The following RERE variants were observed in gnomAD, a reference collection of about 807,000 sequenced individuals.
The protein encoded by RERE is arginine-glutamic acid dipeptide repeats protein.
A neutral mutation model predicts 146.1 loss-of-function variants in RERE; 40 were observed. The observed-to-expected ratio is 0.27, with a 90% CI of 0.21 to 0.36. The LOEUF (loss-of-function observed/expected upper bound fraction) is 0.36, where lower values mean the gene tolerates loss of function less well. Ranked by LOEUF, RERE falls within the 10% of genes least tolerant of loss-of-function variation. The probability of loss-of-function intolerance (pLI) is 1.00; values close to 1 mark genes in which losing one functional copy is unlikely to be tolerated. For missense variants in RERE, 1,933 were observed against 2,138.7 expected, an observed-to-expected ratio of 0.90 and a Z score of 1.90; for synonymous variants, 1,003 against 866.0, an observed-to-expected ratio of 1.16 and a Z score of -2.78.
chr1:8,362,993 C>T, intron 15 of RERE, 149 bp from the exon 16 acceptor site: 1 of 796,260 alleles, frequency 1.3e-6, no homozygotes, highest in Non-Finnish European at 2.0e-6. Context: ...GCCGCCCTGC[C>T]TGTCCCTGGC....
At position 8,360,368 on chromosome 1, in the gene RERE, T is replaced by G; in HGVS notation, c.3139A>C (p.Ile1047Leu). 8.4e-7 allele frequency: 1 copy of G among 1,189,430 alleles called. No individual in the cohort carries two copies. The highest frequency in any genetic ancestry group is 1.1e-6 in the Non-Finnish European group (1 of 943,698). 73.7% of individuals were successfully genotyped at this position (1,189,430 alleles called of 1,614,324 possible). ...HPFVPGGPPPITPPTCPSTST... is the reference protein window; with the variant it reads ...HPFVPGGPPPLTPPTCPSTST... Reference sequence around the variant, plus strand: ...GTGGAGGGGCAGGTCGGAGGGGTGATGGGAGGAGGGCCTCCAGGGACAAAG... The same window carrying G: ...GTGGAGGGGCAGGTCGGAGGGGTGAGGGGAGGAGGGCCTCCAGGGACAAAG... Residue 1047 changes from isoleucine to leucine, a missense_variant, in exon 18 of 23, where the codon ATC becomes CTC. This residue lies in a region of RERE where 1,255 missense variants were observed against 1,153.8 expected (regional missense o/e 1.09). Coordinates refer to ENST00000400908, the MANE Select transcript of RERE (RefSeq NM_001042681.2).
intron 12 of RERE, among the ~76,000 whole-genome samples, chr1:8,377,214 G>C (rs1386601701): frequency 1.3e-5 from 2 of 152,216 alleles, no homozygotes; most frequent in Non-Finnish European, 2.9e-5. Context: ...CCTCTGGCCT[G>C]GAAGCCCTGG....
At chr1:8,769,018 C>A (rs1640897158) in intron 1 of RERE, among the ~76,000 whole-genome samples, 1 of 152,180 alleles carries the variant, frequency 6.6e-6, no homozygotes, top group African/African-American at 2.4e-5. Flanking sequence ...TTTATAGGAA[C>A]ACAGACATAC....
intron 6 of RERE, among the ~76,000 whole-genome samples, chr1:8,543,227 C>T (rs902943569): frequency 7.2e-5 from 11 of 152,174 alleles, no homozygotes; most frequent in Non-Finnish European, 5.9e-5. Context: ...TTAACTAGAA[C>T]TAAAATAAGC....
chr1:8,383,235 C>T (rs1642517004), intron 12 of RERE, among the ~76,000 whole-genome samples: 1 of 151,794 alleles, frequency 6.6e-6, no homozygotes, highest in African/African-American at 2.4e-5. Flanking sequence ...CCAGCAGAAC[C>T]ATAAATGCCC....
chr1:8,494,982 C>T (rs1012821920), intron 10 of RERE, 81 bp downstream of exon 10: 44 of 1,039,378 alleles, frequency 4.2e-5, no homozygotes, highest in South Asian at 6.3e-5. Flanking sequence ...CTTCATGCTC[C>T]GCACTCATCA....
intron 10 of RERE, among the ~76,000 whole-genome samples, chr1:8,472,036 T>C (rs764334470): frequency 4.6e-5 from 7 of 152,206 alleles, no homozygotes; most frequent in Non-Finnish European, 1.0e-4. Flanking sequence ...GGTCTTGAAC[T>C]CCTGACCTCA....
At chr1:8,546,048 G>A (rs985542805) in intron 6 of RERE, among the ~76,000 whole-genome samples, 9 of 133,394 alleles carry the variant, frequency 6.7e-5, no homozygotes, top group East Asian at 2.3e-4. Flanking sequence ...GAAGTGCAGC[G>A]GTTTGATCTC....
intron 1 of RERE, among the ~76,000 whole-genome samples, chr1:8,745,747 T>C (rs922239946): frequency 1.3e-5 from 2 of 152,102 alleles, no homozygotes; most frequent in Non-Finnish European, 1.5e-5. Context: ...CCCCCTAACA[T>C]ATATTCCCTT....
intron 17 of RERE, 23 bp from the exon 18 acceptor site, chr1:8,361,513 TG>T (rs1553155686): frequency 1.0e-5 from 16 of 1,606,676 alleles, no homozygotes; most frequent in Non-Finnish European, 1.2e-5. Flanking sequence ...AAGGGAAGGA[TG>T]GAAGTCCCAG....
intron 6 of RERE, among the ~76,000 whole-genome samples, chr1:8,551,125 T>C (rs547880490): frequency 3.9e-5 from 6 of 152,200 alleles, no homozygotes; most frequent in African/African-American, 1.4e-4. Context: ...CAGTAGGATA[T>C]TTCTTTCCCC....
intron 1 of RERE, among the ~76,000 whole-genome samples, chr1:8,689,676 T>C (rs1229408165): frequency 6.7e-6 from 1 of 150,194 alleles, no homozygotes; most frequent in Non-Finnish European, 1.5e-5. Flanking sequence ...GAAAATCAAA[T>C]CACCACAGGG....
intron 11 of RERE, among the ~76,000 whole-genome samples, chr1:8,439,403 G>A (rs142786802): frequency 7.2e-5 from 11 of 152,326 alleles, no homozygotes; most frequent in African/African-American, 2.2e-4. Context: ...ATGCATCTCC[G>A]TAGCTTCAAG....
chr1:8,503,144 G>C (rs1645204223), intron 8 of RERE, among the ~76,000 whole-genome samples: 1 of 151,328 alleles, frequency 6.6e-6, no homozygotes. Flanking sequence ...GAATTGATGA[G>C]TCAACCTCTC....
intron 7 of RERE, 74 bp downstream of exon 7, chr1:8,541,140 C>CACACACAT: frequency 1.3e-6 from 1 of 782,170 alleles, no homozygotes; most frequent in Non-Finnish European, 2.1e-6. Flanking sequence ...ACTACACACA[C>CACACACAT]ACACACATAC....
intron 1 of RERE, among the ~76,000 whole-genome samples, chr1:8,795,333 T>C (rs1232313292): frequency 6.6e-6 from 1 of 151,800 alleles, no homozygotes; most frequent in Non-Finnish European, 1.5e-5. Context: ...CCCCCACTTT[T>C]TTTTTTCTTT....
chr1:8,581,314 T>C (rs545303236), intron 4 of RERE, among the ~76,000 whole-genome samples: 13 of 152,324 alleles, frequency 8.5e-5, no homozygotes, highest in African/African-American at 2.6e-4. Context: ...TTTAAAACAC[T>C]GATTTGGTCT....
chr1:8,553,006 A>G (rs1177523269), intron 6 of RERE, among the ~76,000 whole-genome samples: 1 of 151,646 alleles, frequency 6.6e-6, no homozygotes, highest in Non-Finnish European at 1.5e-5. Context: ...GTCCACACAC[A>G]TGTGTGCAAC....
chr1:8,435,009 T>C (rs915568588), intron 11 of RERE, among the ~76,000 whole-genome samples: 2 of 152,380 alleles, frequency 1.3e-5, no homozygotes, highest in South Asian at 2.1e-4. Context: ...ATGATCATCA[T>C]TGCTTTACAT....
Sources: gnomAD v4.1 joint callset for allele counts (sites outside exome capture counted in the v4.1 genomes callset) on GRCh38, gnomAD v4.1.1 for gene constraint, gnomAD v4.1.1 regional missense constraint, MANE v1.5 for transcripts, NCBI Gene and HGNC (gene_info 2026-07-23, HGNC 2026-07-21) for gene names.